SYTL5: variants seen among roughly 807,000 people sequenced by gnomAD.
The protein encoded by SYTL5 is synaptotagmin like 5, also known as synaptotagmin-like protein 5.
A neutral mutation model predicts 55.9 loss-of-function variants in SYTL5; 34 were observed. The observed-to-expected ratio is 0.61, with a 90% confidence interval of 0.46 to 0.81. The LOEUF (loss-of-function observed/expected upper bound fraction) is 0.81. Ranked by LOEUF, SYTL5 falls within the 30% of genes least tolerant of loss-of-function variation. The pLI is 0.00. For synonymous variants in SYTL5, 221 were observed against 188.7 expected (o/e 1.17, Z -1.40); for missense variants, 637 against 546.7 (o/e 1.17, Z -1.65).
chrX:38,097,848 T>C (rs1486063663), intron 9 of SYTL5, among the ~76,000 whole-genome samples: 1 of 108,493 alleles, frequency 9.2e-6, no homozygotes, highest in African/African-American at 3.3e-5. Flanking sequence ...GGCATAAGCA[T>C]TGGCAATCAG....
At chrX:37,925,602 G>C in the SYTL5 span, among the ~76,000 whole-genome samples, 4 of 110,810 alleles carry the variant, frequency 3.6e-5, no homozygotes, top group Non-Finnish European at 7.6e-5. Context: ...TTTTGGTTTT[G>C]GTTTTAATTT....
At position 38,025,653 on chromosome X, in the gene SYTL5, A is replaced by G. The variant is rs151242577; in HGVS notation, c.-356-7881A>G. 9.4e-3 allele frequency among the ~76,000 whole-genome samples: 1,052 copies of G among 112,374 alleles called. 7 individuals are homozygous for G. The highest frequency in any genetic ancestry group is 0.041 in the Middle Eastern group (9 of 218). On this transcript the variant is annotated intron_variant, in intron 1 of 16. Transcript: ENST00000297875. ...TGTTTAAGTTAGGAATTGAACAATA[A>G]AAGAAAAATGAATTTCACCCTCCTA...
intron 3 of SYTL5, among the ~76,000 whole-genome samples, chrX:38,055,510 A>T (rs1007413450): frequency 9.0e-5 from 10 of 111,435 alleles, no homozygotes; most frequent in Middle Eastern, 9.2e-3. Flanking sequence ...TCATAATCTC[A>T]TCTCAAGGCA....
intron 5 of SYTL5, among the ~76,000 whole-genome samples, chrX:38,074,659 T>C (rs1936343286): frequency 8.9e-6 from 1 of 111,751 alleles, no homozygotes. Context: ...ATGTCTAGGG[T>C]TCTTTTAGAA....
chrX:37,893,629 A>ATATGTAAT, the SYTL5 span, among the ~76,000 whole-genome samples: 51 of 68,775 alleles, frequency 7.4e-4, 3 homozygotes, highest in African/African-American at 6.0e-3. Context: ...TATATAATCT[A>ATATGTAAT]TATATATAAT....
At chrX:38,065,755 G>A (rs1301012924) in intron 3 of SYTL5, among the ~76,000 whole-genome samples, 1 of 111,735 alleles carries the variant, frequency 8.9e-6, no homozygotes, top group African/African-American at 3.3e-5. Context: ...CTTCACCTCT[G>A]TATTCTTAGC....
chrX:37,924,115 C>T, the SYTL5 span, among the ~76,000 whole-genome samples: 1 of 111,416 alleles, frequency 9.0e-6, no homozygotes, highest in Non-Finnish European at 1.9e-5. Context: ...GAAAGTTCTG[C>T]ATGCCCTAAG....
At chrX:37,943,057 A>G in the SYTL5 span, among the ~76,000 whole-genome samples, 3 of 111,786 alleles carry the variant, frequency 2.7e-5, no homozygotes, top group Non-Finnish European at 5.6e-5. Context: ...TCATCAAAGT[A>G]TTTTTCTAAA....
chrX:37,996,611 G>A, the SYTL5 span, among the ~76,000 whole-genome samples: 3 of 112,567 alleles, frequency 2.7e-5, no homozygotes, highest in African/African-American at 6.5e-5. Flanking sequence ...AGATAGACAA[G>A]CCCCAGAGTC....
chrX:37,960,802 A>ATTTT, the SYTL5 span, among the ~76,000 whole-genome samples: 360 of 86,237 alleles, frequency 4.2e-3, 4 homozygotes, highest in Admixed American at 0.012. Context: ...TTATTTATTT[A>ATTTT]TTTATTTATT....
At chrX:38,062,510 C>G (rs1935982110) in intron 3 of SYTL5, among the ~76,000 whole-genome samples, 1 of 111,503 alleles carries the variant, frequency 9.0e-6, no homozygotes, top group African/African-American at 3.3e-5. Context: ...AAAGATAATA[C>G]TGATGGATGG....
chrX:37,987,135 T>C, the SYTL5 span, among the ~76,000 whole-genome samples: 154 of 112,223 alleles, frequency 1.4e-3, 1 homozygote, highest in African/African-American at 4.8e-3. Context: ...GTTCTAAGGT[T>C]CAGTGTCATT....
the SYTL5 span, among the ~76,000 whole-genome samples, chrX:37,989,103 G>A: frequency 3.6e-5 from 4 of 111,979 alleles, no homozygotes; most frequent in East Asian, 5.6e-4. Flanking sequence ...AATCAAGGGC[G>A]TGGCTAGACA....
chrX:37,939,883 T>C, the SYTL5 span, among the ~76,000 whole-genome samples: 1 of 111,628 alleles, frequency 9.0e-6, no homozygotes, highest in Non-Finnish European at 1.9e-5. Flanking sequence ...CAGGCTGGAG[T>C]GCAGTGGCGC....
the SYTL5 span, among the ~76,000 whole-genome samples, chrX:37,935,876 G>A: frequency 8.9e-6 from 1 of 112,214 alleles, no homozygotes; most frequent in Non-Finnish European, 1.9e-5. Flanking sequence ...TTTCAAAATG[G>A]CAGACACAAA....
At chrX:37,899,182 C>T in the SYTL5 span, among the ~76,000 whole-genome samples, 1 of 111,197 alleles carries the variant, frequency 9.0e-6, no homozygotes, top group Non-Finnish European at 1.9e-5. Context: ...TATTATACAT[C>T]ATTTATTATT....
At chrX:37,951,076 G>T in the SYTL5 span, among the ~76,000 whole-genome samples, 1 of 110,254 alleles carries the variant, frequency 9.1e-6, no homozygotes, top group Non-Finnish European at 1.9e-5. Flanking sequence ...GATCCATAAA[G>T]TAAAAGAATT....
At chrX:37,928,214 C>A in the SYTL5 span, among the ~76,000 whole-genome samples, 2 of 111,876 alleles carry the variant, frequency 1.8e-5, no homozygotes, top group African/African-American at 6.5e-5. Flanking sequence ...GGGTCCTGCA[C>A]CTTATACTAT....
intron 5 of SYTL5, among the ~76,000 whole-genome samples, chrX:38,074,770 G>A (rs1016481286): frequency 1.8e-5 from 2 of 111,584 alleles, no homozygotes; most frequent in African/African-American, 6.5e-5. Flanking sequence ...TGGAAAGATA[G>A]CCTAGAGTAT....
Sources: gnomAD v4.1 joint callset for allele counts (sites outside exome capture counted in the v4.1 genomes callset) on GRCh38, gnomAD v4.1.1 for gene constraint, MANE v1.5 for transcripts, NCBI Gene and HGNC (gene_info 2026-07-23, HGNC 2026-07-21) for gene names.